Variants in GFOD1 observed in about 807,000 individuals in gnomAD.
The protein encoded by GFOD1 is Gfo/Idh/MocA-like oxidoreductase domain containing 1, also known as glucose-fructose oxidoreductase domain-containing protein 1.
GFOD1 carries 9 observed loss-of-function variants against 25.4 expected under a neutral mutation model. The observed-to-expected ratio is 0.35, with a 90% CI of 0.21 to 0.62. The LOEUF is 0.62. Among genes scored for constraint, GFOD1 ranks in the 20% least tolerant of loss-of-function variants. The pLI is 0.72. For synonymous variants in GFOD1, 253 were observed against 245.6 expected (o/e 1.03, Z -0.28); for missense variants, 403 against 556.9 (o/e 0.72, Z 2.78).
At chr6:13,420,503 G>A (rs550517656) in intron 1 of GFOD1, among the ~76,000 whole-genome samples, 1 of 152,312 alleles carries the variant, frequency 6.6e-6, no homozygotes, top group African/African-American at 2.4e-5. Context: ...GAGAAAAGCA[G>A]GGGAAAGAGA....
intron 1 of GFOD1, among the ~76,000 whole-genome samples, chr6:13,404,946 A>G (rs1407086843): frequency 6.6e-6 from 1 of 152,224 alleles, no homozygotes; most frequent in Non-Finnish European, 1.5e-5. Flanking sequence ...AAATGTCTCT[A>G]TGTAGGGCAC....
intron 1 of GFOD1, among the ~76,000 whole-genome samples, chr6:13,408,896 G>T (rs932188580): frequency 1.3e-5 from 2 of 151,772 alleles, no homozygotes; most frequent in African/African-American, 4.8e-5. Flanking sequence ...TACCAGCCTG[G>T]CTAACATGGT....
chr6:13,418,817 TA>T (rs1786204257), intron 1 of GFOD1, among the ~76,000 whole-genome samples: 1 of 152,130 alleles, frequency 6.6e-6, no homozygotes, highest in Non-Finnish European at 1.5e-5. Context: ...AGAATTGGAA[TA>T]AAAAAGAAGG....
chr6:13,478,897 C>T (rs1485341231), intron 1 of GFOD1, among the ~76,000 whole-genome samples: 1 of 152,006 alleles, frequency 6.6e-6, no homozygotes, highest in East Asian at 1.9e-4. Flanking sequence ...ATGTGGGAAA[C>T]CCCCCTAAGC....
At chr6:13,386,347 C>T (rs1785475702) in intron 1 of GFOD1, among the ~76,000 whole-genome samples, 1 of 152,174 alleles carries the variant, frequency 6.6e-6, no homozygotes, top group Non-Finnish European at 1.5e-5. Flanking sequence ...CAAACTGATA[C>T]ACCTGTGCAC....
chr6:13,397,606 T>C (rs191488090), intron 1 of GFOD1, among the ~76,000 whole-genome samples: 2 of 152,342 alleles, frequency 1.3e-5, no homozygotes, highest in African/African-American at 4.8e-5. Flanking sequence ...GGAGGGCAGA[T>C]ATTTGCCTCC....
At chr6:13,479,966 C>G (rs145705981) in intron 1 of GFOD1, among the ~76,000 whole-genome samples, 104 of 152,258 alleles carry the variant, frequency 6.8e-4, no homozygotes, top group African/African-American at 2.4e-3. Context: ...GCTGTCAAGT[C>G]CAAGTGCATC....
intron 1 of GFOD1, among the ~76,000 whole-genome samples, chr6:13,462,455 A>G: frequency 6.6e-6 from 1 of 152,236 alleles, no homozygotes; most frequent in East Asian, 1.9e-4. Flanking sequence ...GCACAAATCA[A>G]TGGGCTGTGT....
intron 1 of GFOD1, among the ~76,000 whole-genome samples, chr6:13,461,338 A>G (rs1758286759): frequency 6.6e-6 from 1 of 152,170 alleles, no homozygotes; most frequent in Non-Finnish European, 1.5e-5. Flanking sequence ...AAGGAGGGAC[A>G]CTGAGTTTGA....
intron 1 of GFOD1, among the ~76,000 whole-genome samples, chr6:13,434,815 ACAG>A (rs1208872237): frequency 3.3e-5 from 5 of 152,272 alleles, no homozygotes; most frequent in Non-Finnish European, 7.3e-5. Flanking sequence ...AGGCCAGAAC[ACAG>A]CAGAAGAACC....
intron 1 of GFOD1, among the ~76,000 whole-genome samples, chr6:13,436,873 T>C (rs535922351): frequency 2.0e-5 from 3 of 152,354 alleles, no homozygotes; most frequent in Non-Finnish European, 2.9e-5. Flanking sequence ...GAGATCATTT[T>C]ATGTGACATT....
chr6:13,477,218 T>TGTGG (rs1758645946), intron 1 of GFOD1, among the ~76,000 whole-genome samples: 1 of 143,482 alleles, frequency 7.0e-6, no homozygotes, highest in Non-Finnish European at 1.5e-5. Context: ...CAATAGGGGG[T>TGTGG]GTGTGTGTGT....
chr6:13,399,259 C>T (rs780413087), intron 1 of GFOD1, among the ~76,000 whole-genome samples: 4 of 152,098 alleles, frequency 2.6e-5, no homozygotes, highest in East Asian at 1.9e-4. Context: ...GTGATTGGCC[C>T]GCCTCGGCCT....
At chr6:13,406,933 C>T (rs1362882827) in intron 1 of GFOD1, among the ~76,000 whole-genome samples, 2 of 152,336 alleles carry the variant, frequency 1.3e-5, no homozygotes, top group Non-Finnish European at 2.9e-5. Flanking sequence ...CTCATTTCAG[C>T]TGGACCCATG....
chr6:13,401,093 C>T (rs1002317232), intron 1 of GFOD1, among the ~76,000 whole-genome samples: 9 of 152,116 alleles, frequency 5.9e-5, no homozygotes, highest in East Asian at 1.9e-4. Flanking sequence ...GCGAGAGAGC[C>T]GAGACCCATT....
At position 13,470,062 on chromosome 6, in the gene GFOD1, A is replaced by G. The variant is rs1455782154; in HGVS notation, c.253+16576T>C. On this transcript the variant is annotated intron_variant, in intron 1 of 1. Coordinates refer to ENST00000379287, the MANE Select transcript of GFOD1 (RefSeq NM_018988.4). ...ATTTCCTTACACATTGTAGCCACTC[A>G]GTAAATGGGTGAGGAATACAGATGT... 8 of 1,383,268 alleles carry G rather than the reference A, an allele frequency of 5.8e-6. No individual in the cohort carries two copies. In the South Asian group the frequency reaches 9.1e-5, roughly 16 times the overall value. The allele number at this position is 1,383,268 out of a possible 1,614,324, so 85.7% of individuals were successfully genotyped here.
chr6:13,464,032 G>A (rs1310127788), intron 1 of GFOD1, among the ~76,000 whole-genome samples: 1 of 152,114 alleles, frequency 6.6e-6, no homozygotes, highest in East Asian at 1.9e-4. Flanking sequence ...TATAAAATTT[G>A]TTCTCCCTGT....
intron 1 of GFOD1, among the ~76,000 whole-genome samples, chr6:13,366,972 A>AT (rs1397472757): frequency 1.3e-5 from 2 of 151,834 alleles, no homozygotes; most frequent in Non-Finnish European, 2.9e-5. Context: ...ACAGAAATAG[A>AT]TTTTGCTTTT....
intron 1 of GFOD1, among the ~76,000 whole-genome samples, chr6:13,379,045 T>C (rs572180936): frequency 1.9e-3 from 285 of 152,318 alleles, no homozygotes; most frequent in Non-Finnish European, 3.5e-3. Flanking sequence ...GTGGTAAACA[T>C]GATTAACGTG....
Sources: allele counts gnomAD v4.1 joint callset (sites outside exome capture counted in the v4.1 genomes callset), GRCh38; gene constraint gnomAD v4.1.1; transcripts MANE v1.5; gene names NCBI Gene and HGNC (gene_info 2026-07-23, HGNC 2026-07-21).